CSMD3: variants seen among roughly 807,000 people sequenced by gnomAD.
The protein encoded by CSMD3 is CUB and sushi domain-containing protein 3.
CSMD3 carries 177 observed loss-of-function variants against 435.2 expected under a neutral mutation model. That is an observed-to-expected ratio of 0.41 (90% CI 0.36 to 0.46). The LOEUF is 0.46. Ranked by LOEUF, CSMD3 falls within the 20% of genes least tolerant of loss-of-function variation. CSMD3 has a pLI of 0.34. For missense variants in CSMD3, 4,265 were observed against 4,504.6 expected (o/e 0.95, Z 1.52); for synonymous variants, 1,656 against 1,520.5 (o/e 1.09, Z -2.07).
At chr8:112,381,772 G>A (rs1348207560) in intron 37 of CSMD3, among the ~76,000 whole-genome samples, 2 of 152,112 alleles carry the variant, frequency 1.3e-5, no homozygotes, top group Non-Finnish European at 2.9e-5. Flanking sequence ...TAATTCTGGA[G>A]TCACACCAGG....
chr8:113,220,786 G>T (rs866261697), intron 3 of CSMD3, among the ~76,000 whole-genome samples: 1 of 151,240 alleles, frequency 6.6e-6, no homozygotes, highest in African/African-American at 2.4e-5. Flanking sequence ...CTATACAGTG[G>T]GGAAAATTGA....
chr8:113,229,291 T>G (rs1306457989), intron 3 of CSMD3, among the ~76,000 whole-genome samples: 1 of 151,682 alleles, frequency 6.6e-6, no homozygotes, highest in African/African-American at 2.4e-5. Context: ...AACATTTTGT[T>G]CAAAGATATG....
rs71281204 is a variant in CSMD3 at position 113,168,519 on chromosome 8, C to CAAAAAAA, written c.709+5196_709+5202dup. Among the ~76,000 whole-genome samples the CAAAAAAA allele has an allele frequency of 5.1e-3, 87 of 17,018 alleles. 25 individuals carry two copies. The East Asian group carries it at 0.051, about 10-fold the overall frequency. The allele number at this position is 17,018 out of a possible 152,430, so 11.2% of individuals were successfully genotyped here. On this transcript the variant is annotated intron_variant, in intron 4 of 70. Transcript: ENST00000297405. ...CTGGTGACAGAGCAAGACTCTGTCT[C>CAAAAAAA]AAAAAAAAAAAAAAAAAAAAAAAAA...
At chr8:112,704,922 A>T (rs1172820364) in intron 13 of CSMD3, among the ~76,000 whole-genome samples, 1 of 152,112 alleles carries the variant, frequency 6.6e-6, no homozygotes, top group African/African-American at 2.4e-5. Flanking sequence ...TGTCCAAAAC[A>T]ATTAAATGGG....
At chr8:112,728,942 G>A (rs2077021712) in intron 13 of CSMD3, among the ~76,000 whole-genome samples, 1 of 151,988 alleles carries the variant, frequency 6.6e-6, no homozygotes, top group South Asian at 2.1e-4. Flanking sequence ...GAATTTAAGA[G>A]TTACATATAC....
Position 113,327,237 on chromosome 8 carries a change from G to A in CSMD3, c.179-12444C>T, listed in dbSNP as rs79438487. Among the ~76,000 whole-genome samples the A allele has an allele frequency of 2.7e-4, 41 of 152,166 alleles. No homozygotes were observed. In the East Asian group the frequency reaches 4.1e-3, roughly 15 times the overall value. ...TTTCTCATTTTATGAGAATATATGC[G>A]GAATAGGAAAATTAGTGATAACATA... is the stretch of plus-strand genomic sequence containing the variant. On this transcript the variant is annotated intron_variant, in intron 1 of 70. Coordinates refer to ENST00000297405, the MANE Select transcript of CSMD3 (RefSeq NM_198123.2).
chr8:113,184,717 G>A (rs201606425), intron 3 of CSMD3, among the ~76,000 whole-genome samples: 3 of 152,034 alleles, frequency 2.0e-5, no homozygotes, highest in Non-Finnish European at 4.4e-5. Context: ...GGCCACTCAG[G>A]TGCAGGCTTT....
chr8:113,180,134 T>A (rs990244379), intron 3 of CSMD3, among the ~76,000 whole-genome samples: 9 of 151,956 alleles, frequency 5.9e-5, no homozygotes, highest in African/African-American at 2.2e-4. Context: ...TTTGTACTTC[T>A]TAGAGAAAAT....
intron 10 of CSMD3, among the ~76,000 whole-genome samples, chr8:112,919,472 T>G (rs1300121635): frequency 6.6e-6 from 1 of 151,896 alleles, no homozygotes; most frequent in African/African-American, 2.4e-5. Flanking sequence ...CTATGTAGTC[T>G]CAATCTTACT....
intron 13 of CSMD3, among the ~76,000 whole-genome samples, chr8:112,726,417 A>T (rs1563899281): frequency 1.3e-5 from 2 of 151,926 alleles, no homozygotes; most frequent in African/African-American, 4.8e-5. Flanking sequence ...CTAAGTACTT[A>T]GCCAATTATT....
At position 112,503,870 on chromosome 8, in the gene CSMD3, T is replaced by C; in HGVS notation, c.5003A>G (p.Glu1668Gly). Residue 1668 changes from glutamate to glycine, a missense_variant, in exon 30 of 71, where the codon GAA (glutamate) becomes GGA (glycine). Physicochemically the swap from Glu to Gly is moderately conservative, Grantham distance 98. This residue lies in a region of CSMD3 where 3,255 missense variants were observed against 3,380.2 expected (regional missense o/e 0.96). Coordinates refer to ENST00000297405, the MANE Select transcript of CSMD3 (RefSeq NM_198123.2). ...FQDSKLPERI[E>G]SSSNTMHLAF... ...CAAATGCATTGTATTTGAGCTGCTTTCTATTCTCTCTGGTAACTTGCTGTC... is the reference window on the plus strand; with the variant it reads ...CAAATGCATTGTATTTGAGCTGCTTCCTATTCTCTCTGGTAACTTGCTGTC... 6.2e-7 allele frequency: 1 copy of C among 1,613,312 alleles called. No individual in the cohort carries two copies. Among genetic ancestry groups the C allele is most frequent in the Non-Finnish European group, 8.5e-7 (1 of 1,179,464 alleles).
intron 1 of CSMD3, among the ~76,000 whole-genome samples, chr8:113,324,125 A>G (rs1057297021): frequency 2.0e-5 from 3 of 152,210 alleles, no homozygotes; most frequent in Admixed American, 2.0e-4. Context: ...AGCAGACCAT[A>G]AAAGTTCAAA....
intron 32 of CSMD3, among the ~76,000 whole-genome samples, chr8:112,425,811 T>C (rs7821009): frequency 1.1e-3 from 170 of 152,220 alleles, no homozygotes; most frequent in Admixed American, 3.9e-3. Flanking sequence ...TCTGTGTGTG[T>C]GTTAAAATAG....
intron 4 of CSMD3, 48 bp from the exon 5 acceptor site, chr8:113,099,011 C>A (rs375075761): frequency 1.6e-6 from 2 of 1,235,238 alleles, no homozygotes; most frequent in Non-Finnish European, 2.4e-6. Flanking sequence ...GAGATAAATG[C>A]AATTGTTCAG....
In CSMD3 at chr8:112,301,887, G is replaced by T; in HGVS notation, c.8346C>A (p.Ile2782=). The T allele has an allele frequency of 6.2e-7, 1 of 1,613,346 alleles. No homozygotes were observed. The part of the protein sequence containing the change: ...GTQTSYGSTA[I]FTCDLGFMLV... ...GCATGAATCCCAAGTCGCAGGTAAA[G>T]ATAGCTGTTGAGCCATATGAAGTTT... The change falls in exon 53 of 71, where the codon ATC becomes ATA. Residue 2782 remains isoleucine, a synonymous_variant. Coordinates refer to ENST00000297405, the MANE Select transcript of CSMD3 (RefSeq NM_198123.2).
intron 59 of CSMD3, among the ~76,000 whole-genome samples, chr8:112,274,929 C>T (rs62514388): frequency 0.21 from 31,775 of 152,000 alleles, 3,750 homozygotes; most frequent in East Asian, 0.37. Context: ...AACTACGCTG[C>T]GTGGTGTTTT....
intron 13 of CSMD3, among the ~76,000 whole-genome samples, chr8:112,769,083 C>T (rs957361447): frequency 3.1e-4 from 47 of 151,928 alleles, no homozygotes; most frequent in Non-Finnish European, 5.6e-4. Context: ...ACTCTTCTCA[C>T]ATTCTTAGCT....
intron 23 of CSMD3, among the ~76,000 whole-genome samples, chr8:112,581,196 G>C (rs2131330461): frequency 6.6e-6 from 1 of 152,136 alleles, no homozygotes; most frequent in Non-Finnish European, 1.5e-5. Context: ...AGGGGAGGAA[G>C]GTGAGATTTA....
intron 5 of CSMD3, among the ~76,000 whole-genome samples, chr8:113,063,605 A>G (rs2088712396): frequency 6.6e-6 from 1 of 151,892 alleles, no homozygotes; most frequent in South Asian, 2.1e-4. Flanking sequence ...TTGTTAGTTT[A>G]GTTGTTAGTT....
Sources: gnomAD v4.1 joint callset for allele counts (sites outside exome capture counted in the v4.1 genomes callset) on GRCh38, gnomAD v4.1.1 for gene constraint, gnomAD v4.1.1 regional missense constraint, MANE v1.5 for transcripts, NCBI Gene and HGNC (gene_info 2026-07-23, HGNC 2026-07-21) for gene names.